Variants in PELI2 observed in about 807,000 individuals in gnomAD.
The protein encoded by PELI2 is pellino E3 ubiquitin protein ligase family member 2.
Under a neutral mutation model 42.3 loss-of-function variants are expected in PELI2, and 23 were observed. The ratio of observed to expected loss-of-function variants is 0.54; its 90% CI spans 0.39 to 0.77. PELI2 has a LOEUF of 0.77. PELI2 is among the 30% of genes least tolerant of loss of function. The pLI, the probability that PELI2 is intolerant of heterozygous loss-of-function variation, is 0.00. For missense variants in PELI2, 463 were observed against 553.2 expected (o/e 0.84, Z 1.64); for synonymous variants, 245 against 212.2 (o/e 1.15, Z -1.34).
At chr14:56,198,461 G>A (rs546995009) in intron 2 of PELI2, among the ~76,000 whole-genome samples, 1 of 152,320 alleles carries the variant, frequency 6.6e-6, no homozygotes. Context: ...GACTGGAGTA[G>A]CTGACAACAT....
Position 56,145,765 on chromosome 14 carries a change from C to T in PELI2, c.77+27028C>T, listed in dbSNP as rs144801876. ...CAGAAAGGAAAAGATACGGCCTCTG[C>T]TATGAAAGGGTATATATTCTAGTGT... On this transcript the variant is annotated intron_variant, in intron 1 of 5. Coordinates refer to ENST00000267460, the MANE Select transcript of PELI2 (RefSeq NM_021255.3). Among the ~76,000 whole-genome samples the T allele has an allele frequency of 2.1e-3, 317 of 152,250 alleles. 2 individuals carry two copies. The Middle Eastern group carries it at 0.034, about 16-fold the overall frequency.
chr14:56,252,662 C>A (rs557770620), intron 2 of PELI2, among the ~76,000 whole-genome samples: 1 of 151,702 alleles, frequency 6.6e-6, no homozygotes, highest in Admixed American at 6.6e-5. Context: ...GAGAGCGAGA[C>A]GTCTGGAAAA....
chr14:56,186,393 T>C (rs1885771097), intron 2 of PELI2, among the ~76,000 whole-genome samples: 1 of 152,206 alleles, frequency 6.6e-6, no homozygotes, highest in African/African-American at 2.4e-5. Flanking sequence ...TTTGGCCTTG[T>C]AAGACTCAGG....
intron 1 of PELI2, among the ~76,000 whole-genome samples, chr14:56,120,609 T>G (rs1439841745): frequency 6.6e-6 from 1 of 152,194 alleles, no homozygotes; most frequent in Non-Finnish European, 1.5e-5. Flanking sequence ...CAACCGTCGT[T>G]TGTGTACCTA....
intron 1 of PELI2, among the ~76,000 whole-genome samples, chr14:56,172,537 G>A (rs1344907322): frequency 6.6e-6 from 1 of 152,218 alleles, no homozygotes; most frequent in Non-Finnish European, 1.5e-5. Context: ...GAGAGCGGCT[G>A]GGAGACTCTT....
At chr14:56,154,321 G>T (rs183790560) in intron 1 of PELI2, among the ~76,000 whole-genome samples, 1 of 152,186 alleles carries the variant, frequency 6.6e-6, no homozygotes, top group African/African-American at 2.4e-5. Context: ...ATGTGGTTTG[G>T]CTCTGTGTCT....
chr14:56,296,249 C>T (rs189772828), intron 5 of PELI2, among the ~76,000 whole-genome samples: 1 of 152,236 alleles, frequency 6.6e-6, no homozygotes, highest in Non-Finnish European at 1.5e-5. Context: ...ATCTCTCATC[C>T]TATGGGATCA....
At position 56,296,750 on chromosome 14, in the gene PELI2, C is replaced by T. The variant is rs1890020269; in HGVS notation, c.847C>T (p.Gln283Ter). 6.2e-7 allele frequency: 1 copy of T among 1,613,974 alleles called. No homozygotes were observed. The highest frequency in any genetic ancestry group is 8.5e-7 in the Non-Finnish European group (1 of 1,180,028). ...LRQEINAARP[Q>*]CPVGLNTLAF... ...GCAGGAGATTAACGCCGCCCGGCCT[C>T]AGTGTCCTGTGGGGCTCAACACCCT... Residue 283 changes from glutamine to a stop codon, truncating the protein, a stop_gained, in exon 6 of 6, where the codon CAG becomes TAG. Coordinates refer to ENST00000267460, the MANE Select transcript of PELI2 (RefSeq NM_021255.3). LOFTEE classifies it high-confidence loss of function.
intron 2 of PELI2, among the ~76,000 whole-genome samples, chr14:56,247,899 T>A (rs1220512030): frequency 6.6e-6 from 1 of 152,230 alleles, no homozygotes; most frequent in Non-Finnish European, 1.5e-5. Flanking sequence ...GACACTATAT[T>A]CTATATTTGG....
chr14:56,166,793 T>C (rs953401535), intron 1 of PELI2, among the ~76,000 whole-genome samples: 46 of 152,172 alleles, frequency 3.0e-4, no homozygotes, highest in Non-Finnish European at 4.9e-4. Flanking sequence ...TTCTTTCTTT[T>C]TTTTTATTTC....
chr14:56,183,183 GT>G (rs1251448979), intron 2 of PELI2, among the ~76,000 whole-genome samples: 1 of 151,986 alleles, frequency 6.6e-6, no homozygotes, highest in Non-Finnish European at 1.5e-5. Context: ...GTTTGGGAAG[GT>G]TTTCTTTTTT....
At chr14:56,173,952 A>G (rs886634717) in intron 1 of PELI2, among the ~76,000 whole-genome samples, 1 of 152,208 alleles carries the variant, frequency 6.6e-6, no homozygotes, top group Non-Finnish European at 1.5e-5. Flanking sequence ...CCCAGGCTGG[A>G]GTACAGTGGT....
intron 5 of PELI2, among the ~76,000 whole-genome samples, chr14:56,293,641 C>G (rs58906043): frequency 1.9e-3 from 289 of 152,254 alleles, no homozygotes; most frequent in African/African-American, 6.7e-3. Flanking sequence ...CACGCTCTGC[C>G]CTCTAATTGC....
chr14:56,201,682 G>T (rs1440166790), intron 2 of PELI2, among the ~76,000 whole-genome samples: 1 of 152,098 alleles, frequency 6.6e-6, no homozygotes, highest in African/African-American at 2.4e-5. Flanking sequence ...AATGTCTTTT[G>T]CTTTTAGGGG....
rs1889411841 is a variant in PELI2, at chr14:56,279,706, T to A, written c.238T>A (p.Ser80Thr). The change falls in exon 3 of 6, where the codon TCC becomes ACC. Residue 80 changes from serine (S) to threonine (T), a missense_variant. Physicochemically the swap from Ser to Thr is moderately conservative, Grantham distance 58 (BLOSUM62 1). Transcript: ENST00000267460. ...CAGCTGCAAAGGTCAACACAGTATA[T>A]CCTACACTTTGTCAAGGAATCAGAC... ...AISCKGQHSI[S>T]YTLSRNQTVV... The A allele has an allele frequency of 6.2e-7, 1 of 1,600,794 alleles. No individual in the cohort carries two copies. Among genetic ancestry groups the A allele is most frequent in the Admixed American group, 1.7e-5 (1 of 59,888 alleles).
chr14:56,126,375 G>A (rs1037139050), intron 1 of PELI2, among the ~76,000 whole-genome samples: 1 of 152,204 alleles, frequency 6.6e-6, no homozygotes, highest in African/African-American at 2.4e-5. Context: ...TCTCGATTGA[G>A]GTTTTCTTTC....
intron 2 of PELI2, among the ~76,000 whole-genome samples, chr14:56,256,078 A>T (rs896763866): frequency 6.6e-6 from 1 of 152,156 alleles, no homozygotes; most frequent in African/African-American, 2.4e-5. Context: ...ATTTCATCTT[A>T]ACTCCTGTGT....
intron 2 of PELI2, among the ~76,000 whole-genome samples, chr14:56,206,002 C>T (rs199763721): frequency 1.8e-5 from 1 of 55,478 alleles, no homozygotes; most frequent in South Asian, 9.7e-4. Flanking sequence ...CTACAGATAA[C>T]CTACCAAATA....
chr14:56,279,870 C>A, intron 3 of PELI2, 93 bp downstream of exon 3: 1 of 558,480 alleles, frequency 1.8e-6, no homozygotes. Context: ...CCAGTATGTC[C>A]AGGGGGAAAG....
Sources: gnomAD v4.1 joint callset for allele counts (sites outside exome capture counted in the v4.1 genomes callset) on GRCh38, gnomAD v4.1.1 for gene constraint, MANE v1.5 for transcripts, NCBI Gene and HGNC (gene_info 2026-07-23, HGNC 2026-07-21) for gene names.